The following PLPP1 variants were observed in gnomAD, a reference collection of about 807,000 sequenced individuals.
The protein encoded by PLPP1 is lipid phosphate phosphohydrolase 1a.
A neutral mutation model predicts 31.2 loss-of-function variants in PLPP1; 24 were observed. That is an observed-to-expected ratio of 0.77 (90% confidence interval 0.56 to 1.08). PLPP1 has a LOEUF of 1.08. Ranked by LOEUF, PLPP1 falls within the 50% of genes least tolerant of loss-of-function variation. The pLI, the probability that PLPP1 is intolerant of heterozygous loss-of-function variation, is 0.00. For synonymous variants in PLPP1, 146 were observed against 126.3 expected (o/e 1.16, Z -1.05); for missense variants, 319 against 342.7 (o/e 0.93, Z 0.55).
chr5:55,517,989 G>A (rs1334990681), intron 1 of PLPP1, among the ~76,000 whole-genome samples: 1 of 152,178 alleles, frequency 6.6e-6, no homozygotes, highest in Non-Finnish European at 1.5e-5. Context: ...TGGGATTATA[G>A]GCGTGAGCCA....
chr5:55,444,371 G>A (rs1023771522), intron 3 of PLPP1, among the ~76,000 whole-genome samples: 9 of 152,088 alleles, frequency 5.9e-5, no homozygotes, highest in Non-Finnish European at 7.4e-5. Flanking sequence ...GTGAGCCACC[G>A]CGCCCGGCCC....
chr5:55,436,545 G>T (rs1175472529), intron 4 of PLPP1, among the ~76,000 whole-genome samples: 1 of 152,072 alleles, frequency 6.6e-6, no homozygotes, highest in Non-Finnish European at 1.5e-5. Flanking sequence ...CCCAGCCTTG[G>T]GTATGTCTTT....
At chr5:55,456,958 G>A (rs1212032873) in intron 3 of PLPP1, among the ~76,000 whole-genome samples, 1 of 152,052 alleles carries the variant, frequency 6.6e-6, no homozygotes, top group South Asian at 2.1e-4. Flanking sequence ...TCAGGAGTTT[G>A]AGACCAGCCT....
intron 4 of PLPP1, among the ~76,000 whole-genome samples, chr5:55,426,332 G>A (rs958447979): frequency 6.6e-6 from 1 of 152,054 alleles, no homozygotes; most frequent in Non-Finnish European, 1.5e-5. Flanking sequence ...AGGATTTCAG[G>A]GACAGTTCCT....
chr5:55,495,509 T>C (rs767121661), intron 1 of PLPP1, among the ~76,000 whole-genome samples: 7 of 152,110 alleles, frequency 4.6e-5, no homozygotes, highest in Non-Finnish European at 5.9e-5. Context: ...ATCTAGTACA[T>C]GGCAAATCTA....
At chr5:55,425,557 A>G (rs905648505) in intron 5 of PLPP1, 4 of 476,502 alleles carry the variant, frequency 8.4e-6, no homozygotes, top group Non-Finnish European at 1.4e-5. Flanking sequence ...TTTTGCCAAT[A>G]CTGAATAAAA....
chr5:55,427,784 G>C (rs1490150702), intron 4 of PLPP1, among the ~76,000 whole-genome samples: 3 of 146,718 alleles, frequency 2.0e-5, no homozygotes, highest in Non-Finnish European at 4.5e-5. Context: ...TTGGGGGGGG[G>C]GATGTGGGAG....
chr5:55,529,453 G>A (rs1342151306), intron 1 of PLPP1, among the ~76,000 whole-genome samples: 6 of 152,160 alleles, frequency 3.9e-5, no homozygotes, highest in Middle Eastern at 3.4e-3. Context: ...CTGCTATTCA[G>A]CTTAGTATAT....
intron 3 of PLPP1, among the ~76,000 whole-genome samples, chr5:55,463,457 T>C (rs1752213811): frequency 6.6e-6 from 1 of 152,030 alleles, no homozygotes; most frequent in African/African-American, 2.4e-5. Context: ...AGGTCAGGAA[T>C]TCAAGACCAG....
intron 4 of PLPP1, among the ~76,000 whole-genome samples, chr5:55,434,606 G>C (rs1028435034): frequency 6.6e-6 from 1 of 152,086 alleles, no homozygotes; most frequent in Admixed American, 6.5e-5. Context: ...AAACAGAATA[G>C]ATACCAGAAA....
intron 1 of PLPP1, among the ~76,000 whole-genome samples, chr5:55,516,407 A>G (rs1261204574): frequency 6.6e-6 from 1 of 152,148 alleles, no homozygotes; most frequent in East Asian, 1.9e-4. Flanking sequence ...AAACTATCAT[A>G]GCACCCATAC....
At chr5:55,484,016 G>A (rs1052219489) in intron 1 of PLPP1, among the ~76,000 whole-genome samples, 2 of 152,146 alleles carry the variant, frequency 1.3e-5, no homozygotes, top group African/African-American at 4.8e-5. Context: ...AGGCTCTTTA[G>A]TTGACTAAAC....
At chr5:55,470,992 A>C (rs1752401451) in intron 2 of PLPP1, among the ~76,000 whole-genome samples, 1 of 152,036 alleles carries the variant, frequency 6.6e-6, no homozygotes, top group Non-Finnish European at 1.5e-5. Context: ...TCCCCTTTAA[A>C]TCTCCATCAA....
intron 4 of PLPP1, among the ~76,000 whole-genome samples, chr5:55,438,742 A>G (rs1751552785): frequency 6.6e-6 from 1 of 152,040 alleles, no homozygotes; most frequent in African/African-American, 2.4e-5. Flanking sequence ...TCTACTAAAG[A>G]TACAAAAAAT....
At chr5:55,428,966 ACAGT>A in intron 4 of PLPP1, among the ~76,000 whole-genome samples, 1 of 152,206 alleles carries the variant, frequency 6.6e-6, no homozygotes, top group East Asian at 1.9e-4. Flanking sequence ...TTGCCCATTC[ACAGT>A]CAGTCCTATT....
intron 1 of PLPP1, among the ~76,000 whole-genome samples, chr5:55,512,500 A>G (rs202028358): frequency 3.3e-4 from 4 of 11,982 alleles, no homozygotes; most frequent in African/African-American, 7.0e-4. Flanking sequence ...AAGAAAGAAA[A>G]GAAAAGAAAA....
intron 1 of PLPP1, chr5:55,491,237 AT>A: frequency 1.0e-6 from 1 of 987,526 alleles, no homozygotes; most frequent in Non-Finnish European, 1.5e-6. Flanking sequence ...ATGGATCTCC[AT>A]TATACCCAAG....
At chr5:55,456,526 T>C (rs1458233794) in intron 3 of PLPP1, among the ~76,000 whole-genome samples, 1 of 152,182 alleles carries the variant, frequency 6.6e-6, no homozygotes, top group Non-Finnish European at 1.5e-5. Context: ...ATACATAAGT[T>C]AAAAGAGCAG....
chr5:55,479,022 G>C (rs1406913471), intron 1 of PLPP1, among the ~76,000 whole-genome samples: 2 of 124,038 alleles, frequency 1.6e-5, no homozygotes, highest in Admixed American at 8.9e-5. Context: ...AAGCCTATGA[G>C]ATTTTTTTTT....
Sources: allele counts gnomAD v4.1 joint callset (sites outside exome capture counted in the v4.1 genomes callset), GRCh38; gene constraint gnomAD v4.1.1; transcripts MANE v1.5; gene names NCBI Gene and HGNC (gene_info 2026-07-23, HGNC 2026-07-21).